Variants in ANO2 observed in about 807,000 individuals in gnomAD.
ANO2 encodes anoctamin 2, also known as anoctamin-2.
ANO2 carries 101 observed loss-of-function variants against 124.2 expected under a neutral mutation model. That is an observed-to-expected ratio of 0.81 (90% CI 0.69 to 0.96). ANO2 has a LOEUF of 0.96. Ranked by LOEUF, ANO2 falls within the 40% of genes least tolerant of loss-of-function variation. The probability of loss-of-function intolerance (pLI) is 0.00; values close to 1 mark genes in which losing one functional copy is unlikely to be tolerated. For synonymous variants in ANO2, 486 were observed against 482.5 expected (o/e 1.01, Z -0.09); for missense variants, 1,293 against 1,274.5 (o/e 1.01, Z -0.22).
intron 19 of ANO2, among the ~76,000 whole-genome samples, chr12:5,609,871 A>G (rs909505385): frequency 5.4e-5 from 8 of 147,744 alleles, no homozygotes; most frequent in East Asian, 2.0e-4. Context: ...TAGAAAATGT[A>G]TATATATATA....
rs1316468751 is a variant in ANO2 at position 5,904,972 on chromosome 12, C to T, written c.534+16068G>A. On this transcript the variant is annotated intron_variant, in intron 3 of 24. Transcript: ENST00000682330. This position sits in a 1 kb window ranked among gnomAD's most constrained non-coding sequence, Gnocchi z 4.1. Reference sequence around the variant, plus strand: ...AAGTTCAGAGGTGTTCTTCTCCTCCCCTGAACTTTCTTAAGTGGCTGACAA... The same window carrying T: ...AAGTTCAGAGGTGTTCTTCTCCTCCTCTGAACTTTCTTAAGTGGCTGACAA... 1.3e-5 allele frequency among the ~76,000 whole-genome samples: 2 copies of T among 152,196 alleles called. No individual in the cohort carries two copies. Among genetic ancestry groups the T allele is most frequent in the Admixed American group, 1.3e-4 (2 of 15,282 alleles).
At chr12:5,916,802 G>A (rs1362369003) in intron 3 of ANO2, among the ~76,000 whole-genome samples, 1 of 151,942 alleles carries the variant, frequency 6.6e-6, no homozygotes, top group South Asian at 2.1e-4. Flanking sequence ...AGCAGGCAGT[G>A]CAGAGTCAGG....
chr12:5,656,047 T>C (rs1054275729), intron 14 of ANO2, among the ~76,000 whole-genome samples: 1 of 152,202 alleles, frequency 6.6e-6, no homozygotes, highest in Non-Finnish European at 1.5e-5. Context: ...TTCAAGGGAA[T>C]AGTGGGAGTA....
chr12:5,873,196 G>GCTCGCTCT lies in ANO2; in HGVS notation c.535-19056_535-19055insAGAGCGAG, dbSNP rs1393522452. Among the ~76,000 whole-genome samples the GCTCGCTCT allele has an allele frequency of 4.4e-3, 523 of 119,032 alleles. 3 individuals are homozygous for GCTCGCTCT. Among genetic ancestry groups the GCTCGCTCT allele is most frequent in the Admixed American group, 6.3e-3 (74 of 11,750 alleles). 78.1% of individuals were successfully genotyped at this position (119,032 alleles called of 152,430 possible). On this transcript the variant is annotated intron_variant, in intron 3 of 24. Coordinates refer to ENST00000682330, the MANE Select transcript of ANO2 (RefSeq NM_001364791.2). Reference sequence around the variant, plus strand: ...AACTTTGTTACTTTTGCCTAAAGCAGCTCTCTCTCTCTCTCTCTCTCTCTC... The same window carrying GCTCGCTCT: ...AACTTTGTTACTTTTGCCTAAAGCAGCTCGCTCTCTCTCTCTCTCTCTCTCTCTCTCTC...
chr12:5,624,398 T>C (rs1359994644), intron 16 of ANO2, among the ~76,000 whole-genome samples: 1 of 152,026 alleles, frequency 6.6e-6, no homozygotes, highest in Non-Finnish European at 1.5e-5. Context: ...CCCTAAGATT[T>C]TTCTCCCTGT....
intron 10 of ANO2, among the ~76,000 whole-genome samples, chr12:5,762,302 A>T (rs989356686): frequency 6.6e-6 from 1 of 152,018 alleles, no homozygotes; most frequent in African/African-American, 2.4e-5. Context: ...TGGGTCTGTT[A>T]GTAAATATTT....
In ANO2 at chr12:5,565,557, C is replaced by A; in HGVS notation, c.2727+1G>T. The A allele has an allele frequency of 6.3e-7, 1 of 1,592,698 alleles. No individual in the cohort carries two copies. Among genetic ancestry groups the A allele is most frequent in the South Asian group, 1.1e-5 (1 of 87,466 alleles). ...GGCTATTCCCTATCCCAGCAACTCACCTGGAAGATTATGACAAAAGCCAGA... is the reference window on the plus strand; with the variant it reads ...GGCTATTCCCTATCCCAGCAACTCAACTGGAAGATTATGACAAAAGCCAGA... On this transcript the variant is annotated splice_donor_variant, in intron 24 of 24. Transcript: ENST00000682330. LOFTEE classifies it high-confidence loss of function.
chr12:5,715,158 G>T (rs973642130), intron 14 of ANO2, among the ~76,000 whole-genome samples: 2 of 151,810 alleles, frequency 1.3e-5, no homozygotes, highest in Admixed American at 6.6e-5. Context: ...TCCCTTTCTC[G>T]GAAGTCAGAC....
intron 14 of ANO2, among the ~76,000 whole-genome samples, chr12:5,663,320 G>A (rs1410740762): frequency 6.6e-6 from 1 of 152,200 alleles, no homozygotes; most frequent in East Asian, 1.9e-4. Flanking sequence ...CCAAACAGAG[G>A]AAGAAAAATC....
chr12:5,893,262 C>T (rs1020547658), intron 3 of ANO2, among the ~76,000 whole-genome samples: 1 of 152,056 alleles, frequency 6.6e-6, no homozygotes, highest in African/African-American at 2.4e-5. Flanking sequence ...AGTTTAAAAG[C>T]TTCCTCACAG....
intron 10 of ANO2, among the ~76,000 whole-genome samples, chr12:5,782,134 A>G (rs1165256762): frequency 6.6e-6 from 1 of 152,202 alleles, no homozygotes; most frequent in Non-Finnish European, 1.5e-5. Context: ...TATTAGGTAC[A>G]CACATATTTA....
intron 3 of ANO2, among the ~76,000 whole-genome samples, chr12:5,897,467 T>C (rs1939871253): frequency 6.6e-6 from 1 of 152,086 alleles, no homozygotes; most frequent in Non-Finnish European, 1.5e-5. Context: ...GAAATGGGCA[T>C]AGTAAGTAGA....
At chr12:5,871,249 C>T (rs557172315) in intron 3 of ANO2, among the ~76,000 whole-genome samples, 1 of 152,252 alleles carries the variant, frequency 6.6e-6, no homozygotes, top group African/African-American at 2.4e-5. Flanking sequence ...GACACATAGG[C>T]CCAAGCAGAA....
At chr12:5,565,747 G>GC in intron 23 of ANO2, 84 bp from the exon 24 acceptor site, 1 of 1,140,028 alleles carries the variant, frequency 8.8e-7, no homozygotes, top group Non-Finnish European at 1.2e-6. Flanking sequence ...TCGAGGGCTG[G>GC]CTGGAGCATC....
intron 14 of ANO2, among the ~76,000 whole-genome samples, chr12:5,719,312 C>T (rs1310708911): frequency 6.6e-6 from 1 of 152,202 alleles, no homozygotes; most frequent in African/African-American, 2.4e-5. Flanking sequence ...CACTCACACA[C>T]TCACACACTC....
chr12:5,941,739 T>C (rs1312927514), intron 1 of ANO2, among the ~76,000 whole-genome samples: 2 of 150,930 alleles, frequency 1.3e-5, no homozygotes, highest in East Asian at 1.9e-4. Flanking sequence ...GAATATCAAA[T>C]CTTGAACACT....
intron 1 of ANO2, among the ~76,000 whole-genome samples, chr12:5,933,522 G>T (rs547240852): frequency 5.0e-4 from 76 of 152,300 alleles, no homozygotes; most frequent in African/African-American, 1.7e-3. Context: ...GGATGGACAG[G>T]TGGGTAGGTG....
At position 5,862,851 on chromosome 12, in the gene ANO2, C is replaced by T. The variant is rs143060380; in HGVS notation, c.535-8710G>A. ...TGTTACCCAGGCTGGAGTGCAATGG[C>T]GCAATCTTGGCTCACTGCAACCTCC... On this transcript the variant is annotated intron_variant, in intron 3 of 24. Coordinates refer to ENST00000682330, the MANE Select transcript of ANO2 (RefSeq NM_001364791.2). This position sits in a 1 kb window ranked among gnomAD's most constrained non-coding sequence, Gnocchi z 4.0. 1.2e-3 allele frequency among the ~76,000 whole-genome samples: 176 copies of T among 152,218 alleles called. No homozygotes were observed. Among genetic ancestry groups the T allele is most frequent in the Middle Eastern group, 3.4e-3 (1 of 292 alleles).
intron 7 of ANO2, among the ~76,000 whole-genome samples, chr12:5,814,345 C>T (rs1170603434): frequency 6.6e-6 from 1 of 152,228 alleles, no homozygotes; most frequent in African/African-American, 2.4e-5. Context: ...TATTGGGACC[C>T]TAACTGGTTA....
Sources: gnomAD v4.1 joint callset for allele counts (sites outside exome capture counted in the v4.1 genomes callset) on GRCh38, gnomAD v4.1.1 for gene constraint, Gnocchi (gnomAD v3.1) non-coding constraint, MANE v1.5 for transcripts, NCBI Gene and HGNC (gene_info 2026-07-23, HGNC 2026-07-21) for gene names.